GSDME: variants seen among roughly 807,000 people sequenced by gnomAD.
GSDME encodes gasdermin E, also known as gasdermin-E.
GSDME carries 44 observed loss-of-function variants against 47.5 expected under a neutral mutation model. The ratio of observed to expected loss-of-function variants is 0.93; its 90% CI spans 0.73 to 1.19. GSDME has a LOEUF of 1.19. Ranked by LOEUF, GSDME falls within the 50% of genes most tolerant of loss-of-function variation. The pLI is 0.00. For synonymous variants in GSDME, 258 were observed against 252.8 expected (o/e 1.02, Z -0.20); for missense variants, 663 against 604.2 (o/e 1.10, Z -1.02).
rs945224479 is a variant in GSDME at position 24,721,573 on chromosome 7, A to G, written c.405-2355T>C. On this transcript the variant is annotated intron_variant, in intron 3 of 9. Coordinates refer to ENST00000645220, the MANE Select transcript of GSDME (RefSeq NM_001127453.2). The surrounding 1 kb of genome is among the most constrained non-coding windows in gnomAD (Gnocchi z 4.1). ...GGGGTTCCGTCAGGGTTTAGATGAC[A>G]TGCATGCAGTGAGCCATTAGGGTGT... is the stretch of plus-strand genomic sequence containing the variant. 1.3e-5 allele frequency among the ~76,000 whole-genome samples: 2 copies of G among 152,212 alleles called. No homozygotes were observed. The highest frequency in any genetic ancestry group is 2.4e-5 in the African/African-American group (1 of 41,446).
chr7:24,752,648 G>C (rs533875461), intron 1 of GSDME, among the ~76,000 whole-genome samples: 5 of 152,330 alleles, frequency 3.3e-5, no homozygotes, highest in African/African-American at 1.2e-4. Context: ...GAAAGGAACA[G>C]ATTTACTTTG....
chr7:24,772,164 G>C, the GSDME span, among the ~76,000 whole-genome samples: 1 of 152,164 alleles, frequency 6.6e-6, no homozygotes, highest in African/African-American at 2.4e-5. This position sits in a 1 kb window ranked among gnomAD's most constrained non-coding sequence, Gnocchi z 4.5. Context: ...CTGTGAGGAA[G>C]GTGCCTTGCT....
In GSDME at chr7:24,732,941, G is replaced by T. The variant is rs1402388454; in HGVS notation, c.404+11621C>A. 2.0e-5 allele frequency among the ~76,000 whole-genome samples: 3 copies of T among 151,998 alleles called. No homozygotes were observed. Among genetic ancestry groups the T allele is most frequent in the Admixed American group, 6.5e-5 (1 of 15,268 alleles). On this transcript the variant is annotated intron_variant, in intron 3 of 9. Transcript: ENST00000645220. This position sits in a 1 kb window ranked among gnomAD's most constrained non-coding sequence, Gnocchi z 4.8. Reference sequence around the variant, plus strand: ...CACAACCTACTGAGACACCAGCCAGGGTGGCTAAGGGAGTACTGGATCTAA... The same window carrying T: ...CACAACCTACTGAGACACCAGCCAGTGTGGCTAAGGGAGTACTGGATCTAA...
upstream of GSDME, chr7:24,757,755 C>T (rs1415984462): frequency 6.6e-6 from 1 of 152,358 alleles, no homozygotes; most frequent in Non-Finnish European, 1.5e-5. The surrounding 1 kb of genome is among the most constrained non-coding windows in gnomAD (Gnocchi z 5.9). Flanking sequence ...GCCTGCCTTC[C>T]GCGGCCGCCT....
In GSDME at chr7:24,721,664, A is replaced by G. The variant is rs575888297; in HGVS notation, c.405-2446T>C. On this transcript the variant is annotated intron_variant, in intron 3 of 9. Coordinates refer to ENST00000645220, the MANE Select transcript of GSDME (RefSeq NM_001127453.2). This position sits in a 1 kb window ranked among gnomAD's most constrained non-coding sequence, Gnocchi z 4.1. ...TCCGCCCACCTTCCCGTGTCCCTCT[A>G]TGAGGCTCACAAAACAAAGCCACAG... is the stretch of plus-strand genomic sequence containing the variant. Among the ~76,000 whole-genome samples, 1 of 152,220 alleles carries G rather than the reference A, an allele frequency of 6.6e-6. No homozygotes were observed. Among genetic ancestry groups the G allele is most frequent in the Non-Finnish European group, 1.5e-5 (1 of 68,030 alleles).
chr7:24,774,639 T>C, the GSDME span, among the ~76,000 whole-genome samples: 3 of 152,066 alleles, frequency 2.0e-5, no homozygotes, highest in Non-Finnish European at 4.4e-5. Context: ...TTCAAGCAAT[T>C]CTCCTGCCTC....
intron 3 of GSDME, among the ~76,000 whole-genome samples, chr7:24,727,968 TC>T: frequency 6.6e-6 from 1 of 152,118 alleles, no homozygotes. Flanking sequence ...ACACTACGAG[TC>T]GGGGGTGCCA....
In GSDME at chr7:24,725,864, G is replaced by T. The variant is rs181209841; in HGVS notation, c.405-6646C>A. Among the ~76,000 whole-genome samples, 1 of 152,144 alleles carries T rather than the reference G, an allele frequency of 6.6e-6. No homozygotes were observed. The highest frequency in any genetic ancestry group is 2.4e-5 in the African/African-American group (1 of 41,506). The stretch of plus-strand genomic sequence containing the variant: ...AAATTGGGCATAAGACAATATGAGG[G>T]GTGGTCCCCTCCCTTAAGGAAGTGG... On this transcript the variant is annotated intron_variant, in intron 3 of 9. Coordinates refer to ENST00000645220, the MANE Select transcript of GSDME (RefSeq NM_001127453.2). This position sits in a 1 kb window ranked among gnomAD's most constrained non-coding sequence, Gnocchi z 5.1.
the GSDME span, among the ~76,000 whole-genome samples, chr7:24,763,361 G>A: frequency 1.5e-4 from 22 of 151,304 alleles, no homozygotes; most frequent in Middle Eastern, 3.4e-3. The surrounding 1 kb of genome is among the most constrained non-coding windows in gnomAD (Gnocchi z 4.3). Context: ...CCAATTGCCC[G>A]CATCATTACT....
intron 9 of GSDME, among the ~76,000 whole-genome samples, chr7:24,699,885 A>AACTT (rs1788792469): frequency 6.6e-6 from 1 of 152,124 alleles, no homozygotes; most frequent in South Asian, 2.1e-4. Flanking sequence ...AAGATATTAG[A>AACTT]ACTTTCTTAT....
chr7:24,700,675 A>C (rs912696132), intron 9 of GSDME, among the ~76,000 whole-genome samples: 2 of 152,196 alleles, frequency 1.3e-5, no homozygotes, highest in African/African-American at 4.8e-5. Flanking sequence ...CGCCAAATAC[A>C]ACTCACACAA....
chr7:24,731,180 G>T (rs1318725990), intron 3 of GSDME, among the ~76,000 whole-genome samples: 2 of 152,168 alleles, frequency 1.3e-5, no homozygotes, highest in African/African-American at 4.8e-5. Flanking sequence ...GCAGGACAAG[G>T]CCCATGAAGG....
Position 24,710,328 on chromosome 7 carries a change from A to G in GSDME, c.758T>C (p.Val253Ala), listed in dbSNP as rs1411931440. The change falls in exon 6 of 10, where the codon GTC (valine) becomes GCC (alanine). Residue 253 changes from valine to alanine, a missense_variant. By Grantham distance (64) the Val-to-Ala change is moderately conservative. Transcript: ENST00000645220. ...GFENKKRIDS[V>A]YLDPLVFREF... ...TCGAAAGACCAGGGGGTCCAGGTAGACAGAGTCAATTCTCTTCTTGTTCTC... is the reference window on the plus strand; with the variant it reads ...TCGAAAGACCAGGGGGTCCAGGTAGGCAGAGTCAATTCTCTTCTTGTTCTC... 1 of 1,614,248 alleles carries G rather than the reference A, an allele frequency of 6.2e-7. No individual in the cohort carries two copies. The highest frequency in any genetic ancestry group is 8.5e-7 in the Non-Finnish European group (1 of 1,180,044).
chr7:24,706,740 G>A (rs914117700), intron 7 of GSDME, among the ~76,000 whole-genome samples: 2 of 152,212 alleles, frequency 1.3e-5, no homozygotes, highest in African/African-American at 2.4e-5. Context: ...TAAGCTAGGC[G>A]CTCCAGCCCC....
Position 24,744,880 on chromosome 7 carries a change from C to G in GSDME, c.212-126G>C. 1 of 993,424 alleles carries G rather than the reference C, an allele frequency of 1.0e-6. No individual in the cohort carries two copies. Among genetic ancestry groups the G allele is most frequent in the Non-Finnish European group, 1.5e-6 (1 of 651,644 alleles). 61.5% of individuals were successfully genotyped at this position (993,424 alleles called of 1,614,324 possible). A position where few individuals can be genotyped will look rare whatever the true frequency, so the allele number is the denominator to read the frequency against. ...AGAAGGCTGGCACTCAGATGGAAAG[C>G]CGGCAGCCATGCTGTGTGTGTGGGC... On this transcript the variant is annotated intron_variant, in intron 2 of 9. Transcript: ENST00000645220. This position sits in a 1 kb window ranked among gnomAD's most constrained non-coding sequence, Gnocchi z 4.5.
chr7:24,720,907 CAAA>C (rs36086754), intron 3 of GSDME, among the ~76,000 whole-genome samples: 8 of 124,174 alleles, frequency 6.4e-5, no homozygotes, highest in Admixed American at 4.1e-4. Context: ...AACTCCGTCT[CAAA>C]AAAAAAAAAA....
intron 6 of GSDME, among the ~76,000 whole-genome samples, chr7:24,709,639 C>T (rs1789267992): frequency 6.6e-6 from 1 of 152,082 alleles, no homozygotes; most frequent in Non-Finnish European, 1.5e-5. Flanking sequence ...ATATGCTGCG[C>T]CCCCACATCC....
At chr7:24,795,261 G>A in the GSDME span, among the ~76,000 whole-genome samples, 12 of 152,348 alleles carry the variant, frequency 7.9e-5, no homozygotes, top group Admixed American at 1.3e-4. Context: ...GTCCCCCGCA[G>A]GGATGTTCCA....
At position 24,724,533 on chromosome 7, in the gene GSDME, T is replaced by C. The variant is rs896286168; in HGVS notation, c.405-5315A>G. ...GAGGCCACTGAGGCAGAGGCGTATA[T>C]CCTCAACAGAAAGGGCCAGCCCCAA... On this transcript the variant is annotated intron_variant, in intron 3 of 9. Transcript: ENST00000645220. The surrounding 1 kb of genome is among the most constrained non-coding windows in gnomAD (Gnocchi z 4.8). 2.1e-4 allele frequency among the ~76,000 whole-genome samples: 32 copies of C among 152,070 alleles called. No homozygotes were observed. The highest frequency in any genetic ancestry group is 1.5e-5 in the Non-Finnish European group (1 of 68,012).
Sources: gnomAD v4.1 joint callset for allele counts (sites outside exome capture counted in the v4.1 genomes callset) on GRCh38, gnomAD v4.1.1 for gene constraint, Gnocchi (gnomAD v3.1) non-coding constraint, MANE v1.5 for transcripts, NCBI Gene and HGNC (gene_info 2026-07-23, HGNC 2026-07-21) for gene names.